DNAH14: variants seen among roughly 807,000 people sequenced by gnomAD.
DNAH14 encodes dynein axonemal heavy chain 14, also known as axonemal beta dynein heavy chain 14.
Under a neutral mutation model 520.9 loss-of-function variants are expected in DNAH14, and 478 were observed. The observed-to-expected ratio is 0.92, with a 90% CI of 0.85 to 0.99. The LOEUF (loss-of-function observed/expected upper bound fraction) is 0.99. Among genes scored for constraint, DNAH14 ranks in the 50% least tolerant of loss-of-function variants. The probability of loss-of-function intolerance (pLI) is 0.00; values close to 1 mark genes in which losing one functional copy is unlikely to be tolerated. For synonymous variants in DNAH14, 1,581 were observed against 1,757.2 expected, an observed-to-expected ratio of 0.90 and a Z score of 2.51; for missense variants, 4,831 against 5,234.5, an observed-to-expected ratio of 0.92 and a Z score of 2.38.
At chr1:225,102,568 T>G (rs2075601452) in intron 23 of DNAH14, among the ~76,000 whole-genome samples, 2 of 152,216 alleles carry the variant, frequency 1.3e-5, no homozygotes, top group Admixed American at 1.3e-4. Context: ...TCCTGACTTT[T>G]TAATGATCGC....
chr1:225,227,177 T>A (rs2090618485), intron 41 of DNAH14, among the ~76,000 whole-genome samples: 1 of 151,602 alleles, frequency 6.6e-6, no homozygotes, highest in African/African-American at 2.4e-5. Context: ...TTTACGGGTG[T>A]CAGGCTGGGG....
chr1:225,212,558 C>G (rs2088603503), intron 41 of DNAH14, among the ~76,000 whole-genome samples: 1 of 152,302 alleles, frequency 6.6e-6, no homozygotes, highest in Non-Finnish European at 1.5e-5. Context: ...CACATCCTCT[C>G]CAGCACCTGT....
intron 1 of DNAH14, among the ~76,000 whole-genome samples, chr1:224,950,688 T>G (rs1447322619): frequency 6.6e-6 from 1 of 152,224 alleles, no homozygotes; most frequent in East Asian, 1.9e-4. Context: ...AGCTGGCAAA[T>G]GATGGCCTAT....
chr1:224,997,433 T>TG (rs1558634997), intron 8 of DNAH14, among the ~76,000 whole-genome samples: 35 of 149,688 alleles, frequency 2.3e-4, no homozygotes, highest in East Asian at 1.4e-3. Flanking sequence ...GGCAGGTTTT[T>TG]TTTTGTTTGT....
At chr1:225,274,490 G>A (rs377153983) in intron 52 of DNAH14, among the ~76,000 whole-genome samples, 4 of 152,098 alleles carry the variant, frequency 2.6e-5, no homozygotes, top group East Asian at 1.9e-4. Flanking sequence ...CACCGCGCCC[G>A]GCCGCATCTG....
intron 38 of DNAH14, among the ~76,000 whole-genome samples, chr1:225,201,089 T>C (rs181532364): frequency 6.6e-6 from 1 of 151,910 alleles, no homozygotes; most frequent in African/African-American, 2.4e-5. Flanking sequence ...CTTTGTTGGA[T>C]TGGGTTAATT....
chr1:225,085,722 C>T lies in DNAH14; in HGVS notation c.3506C>T (p.Ala1169Val). Residue 1169 changes from alanine (A) to valine (V), a missense_variant, in exon 21 of 86, where the codon GCT becomes GTT. By Grantham distance (64) the Ala-to-Val change is moderately conservative. Coordinates refer to ENST00000682510, the MANE Select transcript of DNAH14 (RefSeq NM_001367479.1). ...ATTCCATCTATAGATGACATATCAG[C>T]TCAGTTAGAAGAGTCTCAAGTCATA... Reference protein sequence around the residue: ...FIIPSIDDISAQLEESQVILA... With the variant: ...FIIPSIDDISVQLEESQVILA... 2 of 1,551,404 alleles carry T rather than the reference C, an allele frequency of 1.3e-6. No individual in the cohort carries two copies. Among genetic ancestry groups the T allele is most frequent in the Non-Finnish European group, 1.7e-6 (2 of 1,146,758 alleles).
chr1:225,172,951 G>A (rs2082876215), intron 36 of DNAH14, among the ~76,000 whole-genome samples: 1 of 152,070 alleles, frequency 6.6e-6, no homozygotes, highest in Non-Finnish European at 1.5e-5. Context: ...CAGAAATGAT[G>A]CCACATATGT....
At chr1:225,085,045 A>G (rs1346712708) in intron 20 of DNAH14, among the ~76,000 whole-genome samples, 1 of 152,116 alleles carries the variant, frequency 6.6e-6, no homozygotes, top group Non-Finnish European at 1.5e-5. Context: ...AGAAATGATG[A>G]AAACTAGTCA....
At chr1:225,298,853 A>C (rs925897336) in intron 55 of DNAH14, among the ~76,000 whole-genome samples, 4 of 152,210 alleles carry the variant, frequency 2.6e-5, no homozygotes, top group African/African-American at 9.7e-5. Context: ...TAGGTGTTTC[A>C]GTGGCAGCGG....
intron 10 of DNAH14, among the ~76,000 whole-genome samples, chr1:225,011,042 AAAAC>A (rs2064685176): frequency 6.6e-6 from 1 of 151,228 alleles, no homozygotes; most frequent in Non-Finnish European, 1.5e-5. Flanking sequence ...TCTTGAAAAA[AAAAC>A]AGCTCCTGGA....
At chr1:225,373,461 C>G (rs1459520961) in intron 77 of DNAH14, among the ~76,000 whole-genome samples, 1 of 115,646 alleles carries the variant, frequency 8.6e-6, no homozygotes, top group Non-Finnish European at 1.7e-5. Flanking sequence ...AAGACTCCGT[C>G]AAGAAAGGAA....
chr1:225,189,405 C>A (rs2085128592), intron 37 of DNAH14, among the ~76,000 whole-genome samples: 3 of 134,182 alleles, frequency 2.2e-5, no homozygotes, highest in Non-Finnish European at 3.1e-5. Flanking sequence ...TCCTAGTTTT[C>A]TTTCTTTTCT....
intron 17 of DNAH14, among the ~76,000 whole-genome samples, chr1:225,057,849 T>C (rs977527669): frequency 1.3e-5 from 2 of 152,240 alleles, no homozygotes; most frequent in African/African-American, 4.8e-5. Flanking sequence ...TTTCGTATGT[T>C]GAAACAGCCT....
At chr1:224,932,192 T>C (rs1318019544) in intron 1 of DNAH14, among the ~76,000 whole-genome samples, 1 of 152,188 alleles carries the variant, frequency 6.6e-6, no homozygotes, top group Non-Finnish European at 1.5e-5. Flanking sequence ...GGTTTTTGAT[T>C]TGCATTTTTC....
intron 21 of DNAH14, among the ~76,000 whole-genome samples, chr1:225,093,936 T>C (rs3101904): frequency 0.26 from 39,522 of 150,984 alleles, 7,958 homozygotes; most frequent in African/African-American, 0.56. Flanking sequence ...GAAAGTGAAA[T>C]ATCTTTACAA....
Position 225,119,210 on chromosome 1 carries a change from C to T in DNAH14, c.4092-10C>T. 6.6e-7 allele frequency: 1 copy of T among 1,505,836 alleles called. No homozygotes were observed. 93.3% of individuals were successfully genotyped at this position (1,505,836 alleles called of 1,614,324 possible). A position where few individuals can be genotyped will look rare whatever the true frequency, so the allele number is the denominator to read the frequency against. Reference sequence around the variant, plus strand: ...ATTCTTCATGATATTATTTTTGAAACTAATTTTAGGAAAATTCGTGTAAGA... The same window carrying T: ...ATTCTTCATGATATTATTTTTGAAATTAATTTTAGGAAAATTCGTGTAAGA... On this transcript the variant is annotated splice_polypyrimidine_tract_variant and intron_variant, in intron 25 of 85. Transcript: ENST00000682510.
chr1:224,969,096 A>T (rs2061359261), intron 7 of DNAH14: 1 of 383,030 alleles, frequency 2.6e-6, no homozygotes, highest in Non-Finnish European at 4.7e-6. Context: ...GAATTAATAA[A>T]GCATTTGTTA....
At chr1:225,357,599 A>AATATGTGATAT (rs11274314) in intron 73 of DNAH14, among the ~76,000 whole-genome samples, 61,687 of 151,730 alleles carry the variant, frequency 0.41, 13,045 homozygotes, top group East Asian at 0.62. Context: ...CATTTTTAAA[A>AATATGTGATAT]ATATAATTAA....
Sources: allele counts gnomAD v4.1 joint callset (sites outside exome capture counted in the v4.1 genomes callset), GRCh38; gene constraint gnomAD v4.1.1; transcripts MANE v1.5; gene names NCBI Gene and HGNC (gene_info 2026-07-23, HGNC 2026-07-21).